ART3: variants seen among roughly 807,000 people sequenced by gnomAD.
ART3 encodes ecto-ADP-ribosyltransferase 3.
In ART3, 49 loss-of-function variants were observed where a neutral mutation model predicts 48.5. The observed-to-expected ratio is 1.01, with a 90% confidence interval of 0.80 to 1.28. The LOEUF (loss-of-function observed/expected upper bound fraction) is 1.28. Ranked by LOEUF, ART3 falls within the 50% of genes most tolerant of loss-of-function variation. The pLI is 0.00. For missense variants in ART3, 438 were observed against 454.3 expected (o/e 0.96, Z 0.33); for synonymous variants, 145 against 157.2 (o/e 0.92, Z 0.58).
chr4:76,067,609 G>A lies in ART3; in HGVS notation c.-9-8272G>A, dbSNP rs143739728. 9.7e-3 allele frequency among the ~76,000 whole-genome samples: 1,481 copies of A among 152,276 alleles called. 15 individuals carry two copies. The highest frequency in any genetic ancestry group is 0.016 in the Non-Finnish European group (1,086 of 68,014). On this transcript the variant is annotated intron_variant, in intron 1 of 9. Transcript: ENST00000341029. ...TATGTCATAGTGTGAGGAATCATGT[G>A]CAAAAAGGAATATGTATTTCTCTTT... is the stretch of plus-strand genomic sequence containing the variant.
At chr4:76,065,319 A>G (rs559803178) in intron 1 of ART3, among the ~76,000 whole-genome samples, 7 of 152,122 alleles carry the variant, frequency 4.6e-5, no homozygotes, top group African/African-American at 9.7e-5. Flanking sequence ...TTATTATACA[A>G]TAATTGGTGT....
chr4:76,084,130 T>C lies in ART3; in HGVS notation c.781+1595T>C, dbSNP rs114037363. Among the ~76,000 whole-genome samples, 376 of 152,340 alleles carry C rather than the reference T, an allele frequency of 2.5e-3. 2 individuals carry two copies. The highest frequency in any genetic ancestry group is 8.6e-3 in the African/African-American group (357 of 41,580). ...TTGACAGAAATATAAATTTCTTCTTTCCCCTGGATAATTCCCTCATCATAC... is the reference window on the plus strand; with the variant it reads ...TTGACAGAAATATAAATTTCTTCTTCCCCCTGGATAATTCCCTCATCATAC... On this transcript the variant is annotated intron_variant, in intron 3 of 11. Coordinates refer to ENST00000355810, the MANE Select transcript of ART3 (RefSeq NM_001130016.3).
intron 3 of ART3, among the ~76,000 whole-genome samples, chr4:76,087,388 C>A (rs768139952): frequency 6.6e-6 from 1 of 152,082 alleles, no homozygotes; most frequent in Non-Finnish European, 1.5e-5. Flanking sequence ...GATGGAAAGT[C>A]AGGATCAAAA....
chr4:76,019,015 C>T (rs1367988651), intron 1 of ART3, among the ~76,000 whole-genome samples: 1 of 148,062 alleles, frequency 6.8e-6, no homozygotes, highest in Non-Finnish European at 1.5e-5. Flanking sequence ...GCACTCCAGC[C>T]TGGGTGACAG....
chr4:76,092,322 G>A (rs575857644), intron 3 of ART3, among the ~76,000 whole-genome samples: 22 of 152,134 alleles, frequency 1.4e-4, no homozygotes, highest in Admixed American at 9.8e-4. Flanking sequence ...TCCATCTTTC[G>A]TCAGATTTAC....
chr4:76,040,437 T>TACACACACACACACGCGCAC lies in ART3; in HGVS notation c.-10+29131_-10+29132insGCGCACACACACACACACAC, dbSNP rs1553926409. On this transcript the variant is annotated intron_variant, in intron 1 of 9. Coordinates refer to the ART3 transcript ENST00000341029. The stretch of plus-strand genomic sequence containing the variant: ...TGGATGGATACGCACATACACTGGA[T>TACACACACACACACGCGCAC]ACACACACACACACACACACACACA... 3.4e-5 allele frequency among the ~76,000 whole-genome samples: 3 copies of TACACACACACACACGCGCAC among 88,496 alleles called. No individual in the cohort carries two copies. In the East Asian group the frequency reaches 1.9e-3, roughly 56 times the overall value. The allele number at this position is 88,496 out of a possible 152,430, so 58.1% of individuals were successfully genotyped here.
chr4:76,025,955 G>A (rs1733342112), intron 1 of ART3, among the ~76,000 whole-genome samples: 1 of 152,052 alleles, frequency 6.6e-6, no homozygotes, highest in Non-Finnish European at 1.5e-5. Context: ...AAAAACGTAA[G>A]TGATCACGTC....
intron 1 of ART3, chr4:76,034,831 C>T: frequency 6.4e-7 from 1 of 1,552,612 alleles, no homozygotes; most frequent in Non-Finnish European, 8.9e-7. Context: ...AATAAGAAAA[C>T]AAGAGTTTTA....
chr4:76,044,087 C>T (rs1378821372), intron 1 of ART3, among the ~76,000 whole-genome samples: 5 of 151,674 alleles, frequency 3.3e-5, no homozygotes, highest in Admixed American at 6.6e-5. Flanking sequence ...TTGATGGCCT[C>T]GATTCTAGAG....
intron 9 of ART3, 34 bp downstream of exon 9, chr4:76,104,003 A>G (rs1727912360): frequency 8.1e-6 from 13 of 1,604,644 alleles, no homozygotes; most frequent in East Asian, 2.2e-5. Flanking sequence ...CCTGAGCCCA[A>G]GAATGAGTTG....
At chr4:76,051,141 G>A (rs537623677) in intron 1 of ART3, among the ~76,000 whole-genome samples, 877 of 152,370 alleles carry the variant, frequency 5.8e-3, no homozygotes, top group Middle Eastern at 0.017. Context: ...CTCAAGTGCC[G>A]CCAAAGTGGG....
chr4:76,027,348 A>T (rs1035344773), intron 1 of ART3, among the ~76,000 whole-genome samples: 3 of 152,246 alleles, frequency 2.0e-5, no homozygotes, highest in African/African-American at 7.2e-5. Flanking sequence ...GACTGTACTC[A>T]TTAAGGTCAG....
chr4:76,019,497 G>A (rs1732570466), intron 1 of ART3, among the ~76,000 whole-genome samples: 1 of 8,944 alleles, frequency 1.1e-4, no homozygotes. Context: ...TTCTTGGCTG[G>A]GCACCCTGTA....
At chr4:76,062,192 T>C (rs1370786452) in intron 1 of ART3, among the ~76,000 whole-genome samples, 1 of 152,242 alleles carries the variant, frequency 6.6e-6, no homozygotes, top group Non-Finnish European at 1.5e-5. Flanking sequence ...TTACCCCTTT[T>C]AGTTTTGCTT....
At chr4:76,086,069 C>G (rs770072664) in intron 3 of ART3, among the ~76,000 whole-genome samples, 32 of 149,668 alleles carry the variant, frequency 2.1e-4, no homozygotes, top group Admixed American at 8.7e-4. Flanking sequence ...TCCCCCCCCC[C>G]GCTCCCTCCC....
intron 1 of ART3, chr4:76,034,498 T>G (rs1734165950): frequency 5.8e-6 from 3 of 521,346 alleles, no homozygotes; most frequent in Non-Finnish European, 6.6e-6. Flanking sequence ...CTTTGTAAAC[T>G]CCGATGGTAA....
chr4:76,069,835 T>C (rs28666903), upstream of ART3, among the ~76,000 whole-genome samples: 31,239 of 150,758 alleles, frequency 0.21, 5,514 homozygotes, highest in African/African-American at 0.48. Flanking sequence ...ATTTATATTA[T>C]ATTATAGATA....
intron 1 of ART3, among the ~76,000 whole-genome samples, chr4:76,049,690 T>C (rs1434909969): frequency 6.6e-6 from 1 of 151,956 alleles, no homozygotes; most frequent in Admixed American, 6.6e-5. Context: ...AGGGGTCTGA[T>C]GGTACTCACT....
intron 1 of ART3, chr4:76,041,315 A>G (rs1250853921): frequency 6.6e-6 from 1 of 152,118 alleles, no homozygotes; most frequent in South Asian, 2.1e-4. Flanking sequence ...AGCCTGAGAG[A>G]TCCCTATTTT....
Sources: allele counts gnomAD v4.1 joint callset (sites outside exome capture counted in the v4.1 genomes callset), GRCh38; gene constraint gnomAD v4.1.1; transcripts MANE v1.5; gene names NCBI Gene and HGNC (gene_info 2026-07-23, HGNC 2026-07-21).